The following HPS5 variants were observed in gnomAD, a reference collection of about 807,000 sequenced individuals.
HPS5 encodes the protein HPS5 biogenesis of lysosomal organelles complex 2 subunit 2, also known as BLOC-2 complex member HPS5.
In HPS5, 83 loss-of-function variants were observed where a neutral mutation model predicts 128.0. That is an observed-to-expected ratio of 0.65 (90% CI 0.54 to 0.78). HPS5 has a LOEUF of 0.78. Among genes scored for constraint, HPS5 ranks in the 30% least tolerant of loss-of-function variants. The probability of loss-of-function intolerance (pLI) is 0.00; values close to 1 mark genes in which losing one functional copy is unlikely to be tolerated. For synonymous variants in HPS5, 475 were observed against 470.2 expected (o/e 1.01, Z -0.13); for missense variants, 1,281 against 1,326.2 (o/e 0.97, Z 0.53).
chr11:18,312,348 C>T lies in HPS5; in HGVS notation c.109-324G>A, dbSNP rs576088681. On this transcript the variant is annotated intron_variant, in intron 2 of 22. Coordinates refer to ENST00000349215, the MANE Select transcript of HPS5 (RefSeq NM_181507.2). ...GGCTAGGTCATTCCAATGCTGACTACAACAATGGAAGACCAAGGAAGTTAC... is the reference window on the plus strand; with the variant it reads ...GGCTAGGTCATTCCAATGCTGACTATAACAATGGAAGACCAAGGAAGTTAC... 7.7e-4 allele frequency among the ~76,000 whole-genome samples: 117 copies of T among 152,288 alleles called. 1 individual carries two copies. Among genetic ancestry groups the T allele is most frequent in the Non-Finnish European group, 1.3e-3 (86 of 68,028 alleles).
intron 19 of HPS5, 79 bp from the exon 20 acceptor site, chr11:18,285,538 A>G: frequency 1.0e-6 from 1 of 979,286 alleles, no homozygotes; most frequent in South Asian, 1.3e-5. Context: ...AATAGGTAAG[A>G]ATAGAGTTTA....
intron 16 of HPS5, among the ~76,000 whole-genome samples, chr11:18,290,591 T>G (rs1860276067): frequency 6.6e-6 from 1 of 152,232 alleles, no homozygotes; most frequent in African/African-American, 2.4e-5. Flanking sequence ...CCAGCACTGC[T>G]CTACCATTTT....
intron 2 of HPS5, among the ~76,000 whole-genome samples, chr11:18,312,824 T>C (rs891077028): frequency 2.0e-5 from 3 of 152,162 alleles, no homozygotes; most frequent in African/African-American, 7.2e-5. Context: ...TGTGCAATGG[T>C]AGAACAGGAA....
chr11:18,297,461 G>T, intron 11 of HPS5, 98 bp downstream of exon 11: 1 of 1,163,926 alleles, frequency 8.6e-7, no homozygotes. Flanking sequence ...AACATAAATG[G>T]AAAGGACAAC....
In HPS5 at chr11:18,279,806, A is replaced by G. The variant is rs1858629908; in HGVS notation, c.*76T>C. The G allele has an allele frequency of 3.5e-6, 5 of 1,415,156 alleles. No individual in the cohort carries two copies. The African/African-American group carries it at 7.0e-5, about 20-fold the overall frequency. 87.7% of individuals were successfully genotyped at this position (1,415,156 alleles called of 1,614,324 possible). Reference sequence around the variant, plus strand: ...GGGGTGGTGTCTTTCCTTCAATAACAAATGCGTTCAGAAGGTTCAGGAGCA... The same window carrying G: ...GGGGTGGTGTCTTTCCTTCAATAACGAATGCGTTCAGAAGGTTCAGGAGCA... On this transcript the variant is annotated 3_prime_UTR_variant, in exon 23 of 23. Coordinates refer to ENST00000349215, the MANE Select transcript of HPS5 (RefSeq NM_181507.2).
intron 10 of HPS5, among the ~76,000 whole-genome samples, chr11:18,298,071 G>C (rs989146800): frequency 1.3e-5 from 2 of 148,254 alleles, no homozygotes; most frequent in African/African-American, 5.0e-5. Flanking sequence ...GGGGACAAGA[G>C]TGAGACTTCA....
chr11:18,295,119 G>T lies in HPS5; in HGVS notation c.1685C>A (p.Thr562Lys), dbSNP rs150421998. 6.8e-6 allele frequency: 11 copies of T among 1,614,074 alleles called. No individual in the cohort carries two copies. Among genetic ancestry groups the T allele is most frequent in the Non-Finnish European group, 8.5e-6 (10 of 1,179,962 alleles). Residue 562 changes from threonine (T) to lysine (K), a missense_variant, in exon 14 of 23, where the codon ACG becomes AAG. By Grantham distance (78) the Thr-to-Lys change is moderately conservative. Coordinates refer to ENST00000349215, the MANE Select transcript of HPS5 (RefSeq NM_181507.2). ...TGGTCTCACTTTCAGATCAGGGCTC[G>T]TGTGAAGGGTGCCAATCTTCTCAGT... ...KTTEKIGTLH[T>K]SPDLKVRPEL...
At position 18,278,993 on chromosome 11, in the gene HPS5, T is replaced by C. The variant is rs960823155; in HGVS notation, c.*889A>G. ...AGATAACACATTTCTAAGAATGAAT[T>C]AGTCAGCTGTATATGGGTTCAGATT... On this transcript the variant is annotated 3_prime_UTR_variant, in exon 23 of 23. Coordinates refer to ENST00000349215, the MANE Select transcript of HPS5 (RefSeq NM_181507.2). 1 of 152,272 alleles carries C rather than the reference T, an allele frequency of 6.6e-6. No homozygotes were observed. Among genetic ancestry groups the C allele is most frequent in the Non-Finnish European group, 1.5e-5 (1 of 68,044 alleles). The allele number at this position is 152,272 out of a possible 1,614,324, so 9.4% of individuals were successfully genotyped here.
rs772533530 is a variant in HPS5, at chr11:18,317,827, T to C, written c.32A>G (p.Tyr11Cys). 1 of 1,613,708 alleles carries C rather than the reference T, an allele frequency of 6.2e-7. No individual in the cohort carries two copies. The highest frequency in any genetic ancestry group is 8.5e-7 in the Non-Finnish European group (1 of 1,179,768). MAFVPVIPES[Y>C]SHVLAEFESL... ...TTCAAACTCTGCAAGAACATGGCTG[T>C]AGGACTCTGGTATCACTGGCACAAA... The change falls in exon 2 of 23, where the codon TAC becomes TGC. Residue 11 changes from tyrosine to cysteine, a missense_variant. Coordinates refer to ENST00000349215, the MANE Select transcript of HPS5 (RefSeq NM_181507.2).
intron 2 of HPS5, among the ~76,000 whole-genome samples, chr11:18,314,956 T>A (rs1327754099): frequency 6.6e-6 from 1 of 152,148 alleles, no homozygotes; most frequent in Non-Finnish European, 1.5e-5. Flanking sequence ...CACTTCTGCC[T>A]CCTAAATTGC....
chr11:18,280,252 G>C (rs1417874515), intron 22 of HPS5, among the ~76,000 whole-genome samples: 6 of 152,172 alleles, frequency 3.9e-5, no homozygotes, highest in Admixed American at 2.0e-4. Flanking sequence ...TTATATAAAT[G>C]GTCAATAAGC....
At position 18,287,937 on chromosome 11, in the gene HPS5, G is replaced by T; in HGVS notation, c.2517C>A (p.Asp839Glu). 10 of 1,613,934 alleles carry T rather than the reference G, an allele frequency of 6.2e-6. No individual in the cohort carries two copies. The highest frequency in any genetic ancestry group is 8.5e-6 in the Non-Finnish European group (10 of 1,179,948). ...ACAACGGACTATCAAAAGGAACCTC[G>T]TCATCTAGTAACTTTAACCTTGTTG... Reference protein sequence around the residue: ...DLPTRLKLLDDEVPFDSPLLV... With the variant: ...DLPTRLKLLDEEVPFDSPLLV... The change falls in exon 17 of 23, where the codon GAC (aspartate) becomes GAA (glutamate). Residue 839 changes from aspartate (D) to glutamate (E), a missense_variant. Asp to Glu is a conservative substitution (Grantham distance 45). Transcript: ENST00000349215.
chr11:18,309,070 C>T lies in HPS5; in HGVS notation c.487G>A (p.Ala163Thr). 1 of 1,613,898 alleles carries T rather than the reference C, an allele frequency of 6.2e-7. No individual in the cohort carries two copies. Among genetic ancestry groups the T allele is most frequent in the Non-Finnish European group, 8.5e-7 (1 of 1,179,856 alleles). Residue 163 changes from alanine to threonine, a missense_variant, in exon 6 of 23, where the codon GCT becomes ACT. Coordinates refer to ENST00000349215, the MANE Select transcript of HPS5 (RefSeq NM_181507.2). ...NTSKQAKAAAAFVMFPVQTIT... is the reference protein window; with the variant it reads ...NTSKQAKAAATFVMFPVQTIT... ...GTCTGAACAGGAAACATCACAAAAG[C>T]AGCAGCTGCCTAAAAGGAATGTGAG...
rs375782751 is a variant in HPS5 at position 18,279,956 on chromosome 11, G to T, written c.3330-14C>A. 8.1e-6 allele frequency: 13 copies of T among 1,613,424 alleles called. No homozygotes were observed. In the African/African-American group the frequency reaches 1.7e-4, roughly 22 times the overall value. On this transcript the variant is annotated splice_polypyrimidine_tract_variant and intron_variant, in intron 22 of 22. Coordinates refer to ENST00000349215, the MANE Select transcript of HPS5 (RefSeq NM_181507.2). ...TGTATCAAGGCCCTGAAATCCCAAA[G>T]AAAAGAAACAAGCAAATTTAGTTGT...
At chr11:18,301,312 C>T (rs767692307) in intron 8 of HPS5, among the ~76,000 whole-genome samples, 16 of 151,702 alleles carry the variant, frequency 1.1e-4, no homozygotes, top group Non-Finnish European at 1.6e-4. Flanking sequence ...AAAAATTAGC[C>T]GGGCATGGTG....
At chr11:18,316,945 A>G (rs1863687375) in intron 2 of HPS5, among the ~76,000 whole-genome samples, 1 of 152,208 alleles carries the variant, frequency 6.6e-6, no homozygotes. Flanking sequence ...CTGTAATCCC[A>G]GCACTTTGGG....
At chr11:18,287,765 A>G in intron 17 of HPS5, 75 bp from the exon 18 acceptor site, 1 of 1,589,978 alleles carries the variant, frequency 6.3e-7, no homozygotes, top group Non-Finnish European at 8.6e-7. Context: ...TAGGTTACTT[A>G]TTACAAATGA....
intron 16 of HPS5, among the ~76,000 whole-genome samples, chr11:18,290,844 C>T: frequency 6.6e-6 from 1 of 152,186 alleles, no homozygotes; most frequent in South Asian, 2.1e-4. Context: ...ATCGCTTGAA[C>T]CCAAGGGATC....
At chr11:18,283,693 A>T in intron 21 of HPS5, 102 bp downstream of exon 21, 2 of 786,656 alleles carry the variant, frequency 2.5e-6, no homozygotes, top group Non-Finnish European at 4.5e-6. Context: ...ATCACATATT[A>T]AATATATGAT....
Sources: allele counts gnomAD v4.1 joint callset (sites outside exome capture counted in the v4.1 genomes callset), GRCh38; gene constraint gnomAD v4.1.1; transcripts MANE v1.5; gene names NCBI Gene and HGNC (gene_info 2026-07-23, HGNC 2026-07-21).